The following AFF2 variants were observed in gnomAD, a reference collection of about 807,000 sequenced individuals.
AFF2 encodes the protein ALF transcription elongation factor 2, also known as AF4/FMR2 family member 2.
AFF2 carries 14 observed loss-of-function variants against 76.9 expected under a neutral mutation model. The ratio of observed to expected loss-of-function variants is 0.18; its 90% confidence interval spans 0.12 to 0.28. The LOEUF (loss-of-function observed/expected upper bound fraction) is 0.28, where lower values mean the gene tolerates loss of function less well. Among genes scored for constraint, AFF2 ranks in the 10% least tolerant of loss-of-function variants. The probability of loss-of-function intolerance (pLI) is 1.00; values close to 1 mark genes in which losing one functional copy is unlikely to be tolerated. For missense variants in AFF2, 868 were observed against 1,001.1 expected, an observed-to-expected ratio of 0.87 and a Z score of 1.79; for synonymous variants, 398 against 366.7, an observed-to-expected ratio of 1.09 and a Z score of -0.98.
At chrX:148,903,999 A>T (rs2071382844) in intron 8 of AFF2, among the ~76,000 whole-genome samples, 3 of 111,697 alleles carry the variant, frequency 2.7e-5, no homozygotes, top group Admixed American at 9.5e-5. Flanking sequence ...TCCACCTCAC[A>T]ATTTCCACCT....
At chrX:148,688,718 A>G (rs1173914086) in intron 3 of AFF2, among the ~76,000 whole-genome samples, 1 of 111,090 alleles carries the variant, frequency 9.0e-6, no homozygotes, top group Non-Finnish European at 1.9e-5. Flanking sequence ...GATGGAGTGC[A>G]CTTACACAAA....
chrX:148,821,964 A>T (rs2070333361), intron 4 of AFF2, among the ~76,000 whole-genome samples: 1 of 111,938 alleles, frequency 8.9e-6, no homozygotes, highest in Non-Finnish European at 1.9e-5. Context: ...AGAGAAAATG[A>T]CCTCATAGTG....
chrX:148,759,071 G>A (rs913037945), intron 3 of AFF2, among the ~76,000 whole-genome samples: 9 of 112,139 alleles, frequency 8.0e-5, no homozygotes, highest in African/African-American at 2.9e-4. Flanking sequence ...ACTGCACCCA[G>A]CCAAGAATAT....
intron 1 of AFF2, among the ~76,000 whole-genome samples, chrX:148,602,450 T>A (rs73249428): frequency 0.011 from 1,188 of 107,985 alleles, 7 homozygotes; most frequent in Non-Finnish European, 0.016. Context: ...GATTGGGGGG[T>A]GTGGGATTGG....
intron 1 of AFF2, among the ~76,000 whole-genome samples, chrX:148,649,689 G>A (rs1258011707): frequency 3.6e-5 from 4 of 112,320 alleles, no homozygotes; most frequent in East Asian, 2.8e-4. Context: ...CTAAAGCACC[G>A]AAAGTGCCCT....
chrX:148,756,395 C>G (rs1193494129), intron 3 of AFF2, among the ~76,000 whole-genome samples: 1 of 112,309 alleles, frequency 8.9e-6, no homozygotes, highest in South Asian at 3.7e-4. Flanking sequence ...ATATGAAAGA[C>G]TTAACTGTGC....
At chrX:148,527,643 G>A (rs112841766) in intron 1 of AFF2, among the ~76,000 whole-genome samples, 1,756 of 111,568 alleles carry the variant, frequency 0.016, 27 homozygotes, top group African/African-American at 0.054. Context: ...TTAACACTAC[G>A]TGAAAGATAT....
At chrX:148,695,442 C>T (rs1371672830) in intron 3 of AFF2, among the ~76,000 whole-genome samples, 2 of 111,830 alleles carry the variant, frequency 1.8e-5, no homozygotes, top group African/African-American at 3.3e-5. Flanking sequence ...AAATAATCAA[C>T]GCAGGAAATT....
At chrX:148,719,724 G>A (rs1557263629) in intron 3 of AFF2, among the ~76,000 whole-genome samples, 1 of 111,846 alleles carries the variant, frequency 8.9e-6, no homozygotes, top group African/African-American at 3.2e-5. Context: ...TTCCAGAATG[G>A]ATGGTGCAGG....
chrX:148,696,079 G>T (rs900321903), intron 3 of AFF2, among the ~76,000 whole-genome samples: 2 of 112,017 alleles, frequency 1.8e-5, no homozygotes, highest in Non-Finnish European at 3.8e-5. Context: ...CTCAGTTTTG[G>T]TTTATCAGTG....
At chrX:148,768,066 A>G (rs1436210064) in intron 3 of AFF2, among the ~76,000 whole-genome samples, 1 of 107,352 alleles carries the variant, frequency 9.3e-6, no homozygotes, top group African/African-American at 3.4e-5. Context: ...TCTGCTTGGA[A>G]TACTTGACTG....
intron 1 of AFF2, among the ~76,000 whole-genome samples, chrX:148,541,132 A>G (rs940099572): frequency 1.8e-5 from 2 of 111,989 alleles, no homozygotes; most frequent in Admixed American, 1.9e-4. Flanking sequence ...ACTTTGATCA[A>G]ACTAGAATGA....
At position 148,538,276 on chromosome X, in the gene AFF2, A is replaced by C. The variant is rs1326717509; in HGVS notation, c.47+37132A>C. 2.7e-5 allele frequency among the ~76,000 whole-genome samples: 3 copies of C among 112,481 alleles called. No homozygotes were observed. In the East Asian group the frequency reaches 8.4e-4, roughly 31 times the overall value. ...GTTCTCAGGTATAGGTGAGCATTAG[A>C]GTCACTGGACTGGTAGAAGCGTGCA... is the stretch of plus-strand genomic sequence containing the variant. On this transcript the variant is annotated intron_variant, in intron 1 of 20. Transcript: ENST00000370460.
chrX:148,766,414 G>A (rs369723937), intron 3 of AFF2, among the ~76,000 whole-genome samples: 60 of 109,516 alleles, frequency 5.5e-4, no homozygotes, highest in African/African-American at 2.0e-3. Flanking sequence ...GTGTGAGATG[G>A]TATCTCATAG....
At chrX:148,849,924 A>G (rs782817802) in intron 7 of AFF2, among the ~76,000 whole-genome samples, 13 of 111,873 alleles carry the variant, frequency 1.2e-4, no homozygotes, top group Non-Finnish European at 2.4e-4. Context: ...ACTAACCACA[A>G]TGCAAGCCAA....
In AFF2 at chrX:148,500,644, G is replaced by GCCGCCA. The variant is rs1287665564; in HGVS notation, c.-449_-448insACCGCC. 5.9e-5 allele frequency: 5 copies of GCCGCCA among 84,520 alleles called. No individual in the cohort carries two copies. Among genetic ancestry groups the GCCGCCA allele is most frequent in the African/African-American group, 1.3e-4 (3 of 23,310 alleles). 7.0% of individuals were successfully genotyped at this position (84,520 alleles called of 1,213,427 possible). On this transcript the variant is annotated 5_prime_UTR_variant, in exon 1 of 21. Transcript: ENST00000370460. ...CGCCGCCTGTGCAGCCGCTGCCGCCGCCGCCGCCGCCGCCGCCGCCGCCGC... is the reference window on the plus strand; with the variant it reads ...CGCCGCCTGTGCAGCCGCTGCCGCCGCCGCCACCGCCGCCGCCGCCGCCGCCGCCGC...
chrX:148,630,628 G>T (rs183033632), intron 1 of AFF2, among the ~76,000 whole-genome samples: 1 of 111,534 alleles, frequency 9.0e-6, no homozygotes, highest in Non-Finnish European at 1.9e-5. Context: ...TCTTGCAGAC[G>T]AATGTCCTCT....
chrX:148,747,132 T>C (rs1172834712), intron 3 of AFF2, among the ~76,000 whole-genome samples: 3 of 111,997 alleles, frequency 2.7e-5, no homozygotes, highest in African/African-American at 9.7e-5. Flanking sequence ...TTGTTGGCAG[T>C]AACCAAGACT....
chrX:148,553,671 T>A (rs1250560598), intron 1 of AFF2, among the ~76,000 whole-genome samples: 2 of 111,472 alleles, frequency 1.8e-5, no homozygotes, highest in African/African-American at 6.5e-5. Context: ...TCCTAGAACT[T>A]GATCTGAAGA....
Sources: gnomAD v4.1 joint callset for allele counts (sites outside exome capture counted in the v4.1 genomes callset) on GRCh38, gnomAD v4.1.1 for gene constraint, MANE v1.5 for transcripts, NCBI Gene and HGNC (gene_info 2026-07-23, HGNC 2026-07-21) for gene names.